ADAMTSL1: variants seen among roughly 807,000 people sequenced by gnomAD.
The protein encoded by ADAMTSL1 is ADAMTS-like protein 1.
Under a neutral mutation model 201.8 loss-of-function variants are expected in ADAMTSL1, and 126 were observed. That is an observed-to-expected ratio of 0.62 (90% confidence interval 0.54 to 0.72). The LOEUF (loss-of-function observed/expected upper bound fraction) is 0.72, where lower values mean the gene tolerates loss of function less well. ADAMTSL1 is among the 30% of genes least tolerant of loss of function. ADAMTSL1 has a pLI of 0.00. For missense variants in ADAMTSL1, 2,679 were observed against 2,277.8 expected (o/e 1.18, Z -3.59); for synonymous variants, 1,121 against 903.4 (o/e 1.24, Z -4.32).
chr9:18,173,970 A>G (rs1828022156), intron 2 of ADAMTSL1, among the ~76,000 whole-genome samples: 1 of 152,192 alleles, frequency 6.6e-6, no homozygotes, highest in Admixed American at 6.5e-5. Context: ...CTTAGAGTTA[A>G]TGTTAAACAA....
At chr9:18,740,011 T>C (rs1457593030) in intron 15 of ADAMTSL1, among the ~76,000 whole-genome samples, 1 of 151,940 alleles carries the variant, frequency 6.6e-6, no homozygotes, top group Non-Finnish European at 1.5e-5. Context: ...CATATCAAAC[T>C]CCTGAGACAG....
At chr9:17,987,002 A>G (rs76077756) in intron 1 of ADAMTSL1, among the ~76,000 whole-genome samples, 1 of 152,158 alleles carries the variant, frequency 6.6e-6, no homozygotes, top group Non-Finnish European at 1.5e-5. Flanking sequence ...AATTAAGTAC[A>G]GATTTACAGC....
intron 1 of ADAMTSL1, among the ~76,000 whole-genome samples, chr9:18,037,833 G>C (rs1195275279): frequency 1.3e-5 from 2 of 152,178 alleles, no homozygotes; most frequent in African/African-American, 4.8e-5. Context: ...AATAGCATCT[G>C]AAGATTTATT....
chr9:18,268,349 G>C (rs1288751769), intron 2 of ADAMTSL1, among the ~76,000 whole-genome samples: 2 of 152,078 alleles, frequency 1.3e-5, no homozygotes, highest in Non-Finnish European at 2.9e-5. Flanking sequence ...CTTCTTGTTA[G>C]TTTCTTTCTA....
intron 14 of ADAMTSL1, among the ~76,000 whole-genome samples, chr9:18,716,250 AC>A (rs1832922376): frequency 6.6e-6 from 1 of 152,124 alleles, no homozygotes; most frequent in South Asian, 2.1e-4. Flanking sequence ...ATCTAATTAA[AC>A]TAAAGAGCTT....
chr9:18,805,437 G>C (rs1424711504), intron 20 of ADAMTSL1, among the ~76,000 whole-genome samples: 6 of 152,190 alleles, frequency 3.9e-5, no homozygotes, highest in African/African-American at 1.4e-4. Flanking sequence ...GCTCCTCACA[G>C]AGTTTTGCCA....
chr9:17,974,402 A>G (rs1388274941), intron 1 of ADAMTSL1, among the ~76,000 whole-genome samples: 2 of 151,960 alleles, frequency 1.3e-5, no homozygotes, highest in African/African-American at 2.4e-5. Context: ...GCAAAGTTCT[A>G]TTTTCTTAGT....
chr9:18,886,200 A>G (rs1394479765), intron 23 of ADAMTSL1, among the ~76,000 whole-genome samples: 11 of 136,156 alleles, frequency 8.1e-5, no homozygotes, highest in Admixed American at 4.4e-4. Flanking sequence ...ATATATATAT[A>G]TATATATATA....
intron 2 of ADAMTSL1, among the ~76,000 whole-genome samples, chr9:18,370,841 A>G (rs550420861): frequency 1.3e-5 from 2 of 152,236 alleles, no homozygotes. Flanking sequence ...AGAGAAATTG[A>G]GGTACATAAT....
At chr9:18,176,421 CAAT>C (rs996528339) in intron 2 of ADAMTSL1, among the ~76,000 whole-genome samples, 3 of 152,010 alleles carry the variant, frequency 2.0e-5, no homozygotes, top group Non-Finnish European at 2.9e-5. Flanking sequence ...ATCTTGGTAA[CAAT>C]AATAATAATT....
intron 2 of ADAMTSL1, among the ~76,000 whole-genome samples, chr9:18,226,737 A>C (rs1443131183): frequency 1.3e-5 from 2 of 152,110 alleles, no homozygotes; most frequent in Admixed American, 6.6e-5. Context: ...CAGTTTGTCC[A>C]CTAGATTTGA....
chr9:18,317,393 AACACACACACAC>A (rs57642851), intron 2 of ADAMTSL1, among the ~76,000 whole-genome samples: 4 of 149,044 alleles, frequency 2.7e-5, no homozygotes, highest in Non-Finnish European at 6.0e-5. Flanking sequence ...AAGTGTCCTC[AACACACACACAC>A]ACACACACAC....
intron 7 of ADAMTSL1, among the ~76,000 whole-genome samples, chr9:18,649,092 T>G (rs1331615925): frequency 2.0e-5 from 3 of 152,204 alleles, no homozygotes; most frequent in Admixed American, 6.5e-5. Flanking sequence ...CGTTTCTTTT[T>G]ATTCTTTTTT....
At chr9:18,052,353 G>A (rs906461184) in intron 1 of ADAMTSL1, among the ~76,000 whole-genome samples, 1 of 152,236 alleles carries the variant, frequency 6.6e-6, no homozygotes, top group African/African-American at 2.4e-5. Context: ...ACTTTAGGTT[G>A]AGAGGTCAGA....
chr9:18,237,555 C>T (rs1050407804), intron 2 of ADAMTSL1, among the ~76,000 whole-genome samples: 1 of 152,154 alleles, frequency 6.6e-6, no homozygotes, highest in African/African-American at 2.4e-5. Flanking sequence ...ACTATACAAA[C>T]CTAATAAATC....
At chr9:18,348,411 G>A (rs753032351) in intron 2 of ADAMTSL1, among the ~76,000 whole-genome samples, 11 of 152,104 alleles carry the variant, frequency 7.2e-5, no homozygotes, top group Non-Finnish European at 1.6e-4. Flanking sequence ...GATGAATTTT[G>A]GATTTTGGAC....
At chr9:18,188,637 T>C (rs897956840) in intron 2 of ADAMTSL1, among the ~76,000 whole-genome samples, 4 of 152,162 alleles carry the variant, frequency 2.6e-5, no homozygotes, top group Non-Finnish European at 5.9e-5. Context: ...AGTTCTTTAT[T>C]GACAAAGCTA....
In ADAMTSL1 at chr9:18,648,189, G is replaced by A. The variant is rs369932983; in HGVS notation, c.834+8778G>A. ...TCTTTGTTGGTTTAAAGTCTGTTTT[G>A]TCAGAGACTAGGATTGCCAACCCTG... On this transcript the variant is annotated intron_variant, in intron 7 of 28. Coordinates refer to ENST00000380548, the MANE Select transcript of ADAMTSL1 (RefSeq NM_001040272.6). 3.6e-5 allele frequency among the ~76,000 whole-genome samples: 5 copies of A among 137,698 alleles called. 1 individual carries two copies. The highest frequency in any genetic ancestry group is 7.7e-5 in the Admixed American group (1 of 13,064). 90.3% of individuals were successfully genotyped at this position (137,698 alleles called of 152,430 possible).
chr9:18,229,925 G>A (rs1247465697), intron 2 of ADAMTSL1, among the ~76,000 whole-genome samples: 1 of 152,084 alleles, frequency 6.6e-6, no homozygotes, highest in East Asian at 1.9e-4. Context: ...TCAAACTCCT[G>A]ACCTCAAGCG....
Sources: allele counts gnomAD v4.1 joint callset (sites outside exome capture counted in the v4.1 genomes callset), GRCh38; gene constraint gnomAD v4.1.1; transcripts MANE v1.5; gene names NCBI Gene and HGNC (gene_info 2026-07-23, HGNC 2026-07-21).